SHTN1: variants seen among roughly 807,000 people sequenced by gnomAD.
SHTN1 encodes the protein shootin-1.
Under a neutral mutation model 83.1 loss-of-function variants are expected in SHTN1, and 42 were observed. The ratio of observed to expected loss-of-function variants is 0.51; its 90% CI spans 0.39 to 0.65. The LOEUF is 0.65. SHTN1 is among the 30% of genes least tolerant of loss of function. The probability of loss-of-function intolerance (pLI) is 0.00; values close to 1 mark genes in which losing one functional copy is unlikely to be tolerated. For synonymous variants in SHTN1, 224 were observed against 247.7 expected, an observed-to-expected ratio of 0.90 and a Z score of 0.90; for missense variants, 622 against 737.8, an observed-to-expected ratio of 0.84 and a Z score of 1.82.
At position 117,052,588 on chromosome 10, in the gene SHTN1, G is replaced by A. The variant is rs141815673; in HGVS notation, c.-188-4078C>T. Among the ~76,000 whole-genome samples, 60 of 152,200 alleles carry A rather than the reference G, an allele frequency of 3.9e-4. No individual in the cohort carries two copies. In the East Asian group the frequency reaches 7.7e-3, roughly 20 times the overall value. On this transcript the variant is annotated intron_variant, in intron 1 of 17. Transcript: ENST00000392901. ...TGGTATAAGGATGGATATATAGATC[G>A]ATGGAATAGAATTGAAAGGCAAAAA...
chr10:117,102,819 C>A (rs1853613637), intron 1 of SHTN1, among the ~76,000 whole-genome samples: 1 of 152,160 alleles, frequency 6.6e-6, no homozygotes, highest in Non-Finnish European at 1.5e-5. Context: ...ATTAATGAGA[C>A]TTACCTACAT....
At chr10:117,098,127 G>A (rs1217678194) in intron 1 of SHTN1, among the ~76,000 whole-genome samples, 1 of 150,914 alleles carries the variant, frequency 6.6e-6, no homozygotes, top group Non-Finnish European at 1.5e-5. Flanking sequence ...GGTGGCTCAC[G>A]CCTGTAATCC....
chr10:117,028,144 C>T (rs1263356983), intron 2 of SHTN1, among the ~76,000 whole-genome samples: 5 of 152,210 alleles, frequency 3.3e-5, no homozygotes, highest in Admixed American at 6.5e-5. Flanking sequence ...ATTGTGTCCC[C>T]GCCCTATGGA....
At chr10:117,115,257 T>C (rs1052250978) in intron 1 of SHTN1, among the ~76,000 whole-genome samples, 2 of 152,200 alleles carry the variant, frequency 1.3e-5, no homozygotes, top group African/African-American at 2.4e-5. Flanking sequence ...CTCTCTCCTA[T>C]GGGCAAGTCT....
chr10:116,944,947 T>G lies in SHTN1; in HGVS notation c.688A>C (p.Lys230Gln). 6.2e-7 allele frequency: 1 copy of G among 1,610,544 alleles called. No individual in the cohort carries two copies. The highest frequency in any genetic ancestry group is 1.1e-5 in the South Asian group (1 of 91,008). ...NLELEKDLRK[K>Q]AESFAQEMFI... ...ACCTCTTGTGCAAATGACTCTGCTTTCTTTCGAAGGTCCTTCTCCAGCTCC... is the reference window on the plus strand; with the variant it reads ...ACCTCTTGTGCAAATGACTCTGCTTGCTTTCGAAGGTCCTTCTCCAGCTCC... Residue 230 changes from lysine (K) to glutamine (Q), a missense_variant, in exon 8 of 17, where the codon AAA becomes CAA. Lys to Gln is a moderately conservative substitution (Grantham distance 53, BLOSUM62 1). Coordinates refer to ENST00000355371, the MANE Select transcript of SHTN1 (RefSeq NM_001127211.3).
chr10:117,024,479 C>T (rs1190166850), intron 2 of SHTN1, among the ~76,000 whole-genome samples: 2 of 151,314 alleles, frequency 1.3e-5, no homozygotes, highest in Non-Finnish European at 1.5e-5. Flanking sequence ...CTCAGCCTCC[C>T]GAGTAGCTGG....
chr10:116,895,717 G>C (rs755402801), intron 16 of SHTN1, among the ~76,000 whole-genome samples: 1 of 152,064 alleles, frequency 6.6e-6, no homozygotes, highest in Admixed American at 6.6e-5. Context: ...GACACTAAAC[G>C]CAGTACACCA....
chr10:116,963,309 T>C (rs1206569557), intron 3 of SHTN1, among the ~76,000 whole-genome samples: 3 of 151,274 alleles, frequency 2.0e-5, no homozygotes, highest in East Asian at 1.9e-4. Context: ...CCTGACCTCG[T>C]GATCCGCCCG....
chr10:116,938,332 C>A (rs1849246751), intron 9 of SHTN1, among the ~76,000 whole-genome samples: 1 of 151,982 alleles, frequency 6.6e-6, no homozygotes, highest in Admixed American at 6.6e-5. Context: ...ATGTTGGTAA[C>A]CTTTGGATGG....
At chr10:117,095,781 T>C (rs1853495914) in intron 1 of SHTN1, among the ~76,000 whole-genome samples, 1 of 152,354 alleles carries the variant, frequency 6.6e-6, no homozygotes, top group East Asian at 1.9e-4. Context: ...TTTTCAGGTC[T>C]CTTTTTCTTT....
intron 1 of SHTN1, among the ~76,000 whole-genome samples, chr10:117,084,903 G>A (rs575910261): frequency 4.5e-4 from 69 of 152,124 alleles, no homozygotes; most frequent in Non-Finnish European, 7.9e-4. Flanking sequence ...GCTCGCGCAC[G>A]GTGCGCGCCC....
chr10:117,107,191 C>T (rs1022639730), intron 1 of SHTN1, among the ~76,000 whole-genome samples: 3 of 152,130 alleles, frequency 2.0e-5, no homozygotes, highest in Non-Finnish European at 2.9e-5. Context: ...TTAAGCCATC[C>T]TCATAGCAAT....
At chr10:116,968,167 C>A (rs145962722) in intron 3 of SHTN1, among the ~76,000 whole-genome samples, 172 of 152,038 alleles carry the variant, frequency 1.1e-3, no homozygotes, top group African/African-American at 3.9e-3. Context: ...AGTGACAGAG[C>A]GAGACTCCAT....
chr10:116,985,845 T>C (rs778365778), intron 1 of SHTN1, among the ~76,000 whole-genome samples: 5 of 152,198 alleles, frequency 3.3e-5, no homozygotes, highest in South Asian at 2.1e-4. Flanking sequence ...TTCCCTTCTG[T>C]ACACATCCCA....
Position 116,951,909 on chromosome 10 carries a change from T to C in SHTN1, c.534A>G (p.Glu178=), listed in dbSNP as rs143713311. Residue 178 remains glutamate (E), a splice_region_variant and synonymous_variant, in exon 6 of 17, where the codon GAA becomes GAG. Coordinates refer to ENST00000355371, the MANE Select transcript of SHTN1 (RefSeq NM_001127211.3). ...LKSKLVEVIE[E]VNKVKQEKTV... The stretch of plus-strand genomic sequence containing the variant: ...TGCCTTTCAGGCCTGAGATACATAC[T>C]TCTTCAATTACTTCTACGAGTTTGC... 3.2e-6 allele frequency: 5 copies of C among 1,563,296 alleles called. No homozygotes were observed. The highest frequency in any genetic ancestry group is 1.7e-4 in the Middle Eastern group (1 of 5,926).
At chr10:116,927,712 C>A in intron 11 of SHTN1, 80 bp downstream of exon 11, 1 of 1,415,062 alleles carries the variant, frequency 7.1e-7, no homozygotes, top group Non-Finnish European at 9.3e-7. Flanking sequence ...ATCTTTCATG[C>A]TTTTAAGATG....
intron 1 of SHTN1, among the ~76,000 whole-genome samples, chr10:117,102,857 T>G (rs955470437): frequency 1.3e-5 from 2 of 152,196 alleles, no homozygotes; most frequent in Non-Finnish European, 2.9e-5. Flanking sequence ...ATGGGAAGAA[T>G]GGACTCAGCA....
rs928531068 is a variant in SHTN1 at position 116,885,282 on chromosome 10, G to A, written c.*1062C>T. ...TTACTGAATCATTGTCATAAAAAGT[G>A]CATTCAAGTACATTACCACTTATTT... On this transcript the variant is annotated 3_prime_UTR_variant, in exon 17 of 17. Transcript: ENST00000355371. The A allele has an allele frequency of 6.6e-6, 1 of 152,298 alleles. No individual in the cohort carries two copies. The highest frequency in any genetic ancestry group is 2.4e-5 in the African/African-American group (1 of 41,314). The allele number at this position is 152,298 out of a possible 1,614,324, so 9.4% of individuals were successfully genotyped here.
chr10:116,895,321 T>C (rs1336921202), intron 16 of SHTN1, among the ~76,000 whole-genome samples: 3 of 152,218 alleles, frequency 2.0e-5, no homozygotes, highest in South Asian at 4.1e-4. Context: ...ACGACTAAAG[T>C]AGCTTAAGGC....
Sources: allele counts gnomAD v4.1 joint callset (sites outside exome capture counted in the v4.1 genomes callset), GRCh38; gene constraint gnomAD v4.1.1; transcripts MANE v1.5; gene names NCBI Gene and HGNC (gene_info 2026-07-23, HGNC 2026-07-21).